MAST4: variants seen among roughly 807,000 people sequenced by gnomAD.
MAST4 encodes microtubule-associated serine/threonine-protein kinase 4.
A neutral mutation model predicts 162.7 loss-of-function variants in MAST4; 89 were observed. The ratio of observed to expected loss-of-function variants is 0.55; its 90% CI spans 0.46 to 0.65. The LOEUF is 0.65. Among genes scored for constraint, MAST4 ranks in the 30% least tolerant of loss-of-function variants. MAST4 has a pLI of 0.00. For synonymous variants in MAST4, 1,479 were observed against 1,361.1 expected (o/e 1.09, Z -1.91); for missense variants, 3,153 against 3,374.0 (o/e 0.93, Z 1.62).
At chr5:66,621,584 G>T (rs1343074761) in intron 1 of MAST4, among the ~76,000 whole-genome samples, 1 of 152,086 alleles carries the variant, frequency 6.6e-6, no homozygotes, top group Non-Finnish European at 1.5e-5. Flanking sequence ...TATGTTTTAG[G>T]TATTTTTTGC....
In MAST4 at chr5:66,788,811, G is replaced by A. The variant is rs769254418; in HGVS notation, c.642+17G>A. 5.9e-6 allele frequency: 9 copies of A among 1,535,408 alleles called. No homozygotes were observed. The Admixed American group carries it at 1.1e-4, about 19-fold the overall frequency. ...GCCAGCCTGGTGAGTGTCCGCGGGC[G>A]CCGGTGGAGGCTGCTCCAGCTCACC... On this transcript the variant is annotated intron_variant, in intron 3 of 28. Transcript: ENST00000403625.
chr5:67,112,915 C>G (rs988428005), intron 11 of MAST4, among the ~76,000 whole-genome samples: 1 of 152,126 alleles, frequency 6.6e-6, no homozygotes, highest in Non-Finnish European at 1.5e-5. Flanking sequence ...AAGCTCTCTT[C>G]CAGAGGCTAC....
At chr5:67,045,504 C>T (rs916485455) in intron 4 of MAST4, among the ~76,000 whole-genome samples, 1 of 152,300 alleles carries the variant, frequency 6.6e-6, no homozygotes, top group Non-Finnish European at 1.5e-5. Flanking sequence ...CACTTATACA[C>T]AGTGTAACAT....
chr5:67,164,459 C>T lies in MAST4; in HGVS notation c.5280C>T (p.Ala1760=). 6.2e-7 allele frequency: 1 copy of T among 1,613,910 alleles called. No homozygotes were observed. Among genetic ancestry groups the T allele is most frequent in the East Asian group, 2.2e-5 (1 of 44,884 alleles). The change falls in exon 29 of 29, where the codon GCC becomes GCT. Residue 1760 remains alanine (A), a synonymous_variant. Coordinates refer to ENST00000403625, the MANE Select transcript of MAST4 (RefSeq NM_001164664.2). The surrounding 1 kb of genome is among the most constrained non-coding windows in gnomAD (Gnocchi z 5.3). ...CCGTCTCTTTTGTTCCCCTCAAGGC[C>T]TTAACAGGCCGGGTGGACAGTGGAA... ...MSAVSFVPLK[A]LTGRVDSGTE...
At chr5:66,631,954 C>T (rs1326510664) in intron 1 of MAST4, among the ~76,000 whole-genome samples, 1 of 152,188 alleles carries the variant, frequency 6.6e-6, no homozygotes, top group Non-Finnish European at 1.5e-5. Context: ...TTGAGACCCC[C>T]ACGCTCCTAC....
chr5:66,634,911 C>T (rs1422342483), intron 1 of MAST4, among the ~76,000 whole-genome samples: 1 of 152,200 alleles, frequency 6.6e-6, no homozygotes, highest in Non-Finnish European at 1.5e-5. Context: ...CTCTTCAGGG[C>T]TCCCTGGTGG....
intron 4 of MAST4, among the ~76,000 whole-genome samples, chr5:66,952,470 C>G (rs151007833): frequency 2.3e-3 from 346 of 152,104 alleles, no homozygotes; most frequent in African/African-American, 7.8e-3. Context: ...AAAGATGCCA[C>G]CAAAATTATA....
chr5:66,751,689 C>G (rs7728362), intron 1 of MAST4, among the ~76,000 whole-genome samples: 7,005 of 147,072 alleles, frequency 0.048, 488 homozygotes, highest in African/African-American at 0.15. Context: ...GAAAGTGATG[C>G]GGAGAATGGA....
Position 67,163,281 on chromosome 5 carries a change from C to T in MAST4, c.4102C>T (p.Arg1368Ter). ...LGGQRYRSGR[R>*]KSAGNIPLSP... ...CGGGCAGCGGTACCGGTCCGGAAGG[C>T]GAAAGTCCGCCGGCAACATCCCACT... The change falls in exon 29 of 29, where the codon CGA becomes TGA. Residue 1368 changes from arginine (R) to a stop codon, truncating the protein, a stop_gained. Transcript: ENST00000403625. LOFTEE classifies it low-confidence loss of function (END_TRUNC). The surrounding 1 kb of genome is among the most constrained non-coding windows in gnomAD (Gnocchi z 7.0). 1 of 1,613,298 alleles carries T rather than the reference C, an allele frequency of 6.2e-7. No individual in the cohort carries two copies.
chr5:66,968,305 G>T (rs1048214397), intron 4 of MAST4, among the ~76,000 whole-genome samples: 2 of 152,012 alleles, frequency 1.3e-5, no homozygotes, highest in Non-Finnish European at 2.9e-5. Context: ...ATCTCCCTTT[G>T]GTTTCTGGAG....
At chr5:66,798,189 T>A (rs186058255) in intron 3 of MAST4, among the ~76,000 whole-genome samples, 92 of 152,346 alleles carry the variant, frequency 6.0e-4, no homozygotes, top group Non-Finnish European at 9.3e-4. Flanking sequence ...GACTGTGAGA[T>A]CTTTGTGATC....
At chr5:66,796,145 G>A (rs2149687698) in intron 3 of MAST4, among the ~76,000 whole-genome samples, 1 of 152,256 alleles carries the variant, frequency 6.6e-6, no homozygotes, top group South Asian at 2.1e-4. Context: ...GTAAATCAAA[G>A]ATCAGCTTAA....
intron 1 of MAST4, among the ~76,000 whole-genome samples, chr5:66,720,733 A>C (rs1211454455): frequency 6.6e-6 from 1 of 151,842 alleles, no homozygotes; most frequent in Non-Finnish European, 1.5e-5. Context: ...TGTTTCCCTG[A>C]AGTTTATTTG....
At position 67,165,481 on chromosome 5, in the gene MAST4, A is replaced by G; in HGVS notation, c.6302A>G (p.Lys2101Arg). The G allele has an allele frequency of 6.2e-7, 1 of 1,613,966 alleles. No homozygotes were observed. Among genetic ancestry groups the G allele is most frequent in the Non-Finnish European group, 8.5e-7 (1 of 1,179,892 alleles). Residue 2101 changes from lysine to arginine, a missense_variant, in exon 29 of 29, where the codon AAG becomes AGG. By Grantham distance (26) the Lys-to-Arg change is conservative. This residue lies in a region of MAST4 where 1,644 missense variants were observed against 1,495.0 expected (regional missense o/e 1.10). Transcript: ENST00000403625. ...CAGCCACCTGGAATTGAGAGTGAGAAGAGTGAAAAGCTCTCCAGTTTCCCA... is the reference window on the plus strand; with the variant it reads ...CAGCCACCTGGAATTGAGAGTGAGAGGAGTGAAAAGCTCTCCAGTTTCCCA... ...SLQPPGIESE[K>R]SEKLSSFPSL... is the part of the protein sequence containing the mutation.
chr5:67,120,935 C>A, intron 13 of MAST4, 82 bp from the exon 14 acceptor site: 2 of 989,476 alleles, frequency 2.0e-6, no homozygotes, highest in South Asian at 1.5e-5. Context: ...AACAGCATGT[C>A]CTTCAAATAT....
At chr5:66,880,200 G>A (rs771015031) in intron 3 of MAST4, among the ~76,000 whole-genome samples, 3 of 152,170 alleles carry the variant, frequency 2.0e-5, no homozygotes, top group Non-Finnish European at 4.4e-5. Context: ...TTCATTTGCT[G>A]TAAAAGTAGG....
intron 2 of MAST4, among the ~76,000 whole-genome samples, chr5:66,766,828 G>A (rs1220247911): frequency 2.6e-5 from 4 of 152,148 alleles, no homozygotes; most frequent in Non-Finnish European, 5.9e-5. Flanking sequence ...TATAAAAATG[G>A]TGTGTGTTAA....
chr5:66,916,207 G>C (rs534651856), intron 4 of MAST4, among the ~76,000 whole-genome samples: 1 of 152,318 alleles, frequency 6.6e-6, no homozygotes, highest in East Asian at 1.9e-4. Flanking sequence ...ATTTTAAATT[G>C]TATAAGTGGC....
intron 5 of MAST4, among the ~76,000 whole-genome samples, chr5:67,082,535 T>A (rs1762794988): frequency 6.6e-6 from 1 of 152,194 alleles, no homozygotes; most frequent in African/African-American, 2.4e-5. Context: ...CTAAATGCAA[T>A]GTGAGATGCT....
Sources: allele counts gnomAD v4.1 joint callset (sites outside exome capture counted in the v4.1 genomes callset), GRCh38; gene constraint gnomAD v4.1.1; regional missense constraint gnomAD v4.1.1; non-coding constraint Gnocchi (gnomAD v3.1); transcripts MANE v1.5; gene names NCBI Gene and HGNC (gene_info 2026-07-23, HGNC 2026-07-21).